CTDP1: variants seen among roughly 807,000 people sequenced by gnomAD.
The protein encoded by CTDP1 is CTD phosphatase 1, also known as RNA polymerase II subunit A C-terminal domain phosphatase.
In CTDP1, 47 loss-of-function variants were observed where a neutral mutation model predicts 91.8. That is an observed-to-expected ratio of 0.51 (90% CI 0.41 to 0.65). CTDP1 has a LOEUF of 0.65. Among genes scored for constraint, CTDP1 ranks in the 30% least tolerant of loss-of-function variants. The pLI, the probability that CTDP1 is intolerant of heterozygous loss-of-function variation, is 0.00. For missense variants in CTDP1, 1,272 were observed against 1,373.7 expected (o/e 0.93, Z 1.17); for synonymous variants, 656 against 598.5 (o/e 1.10, Z -1.40).
chr18:79,685,551 A>T (rs2085477067), intron 1 of CTDP1: 1 of 152,248 alleles, frequency 6.6e-6, no homozygotes, highest in African/African-American at 2.4e-5. Flanking sequence ...AGTGCCACAG[A>T]GAAGCAGAAA....
At chr18:79,747,685 AGCGCCTCCT>A in intron 12 of CTDP1, among the ~76,000 whole-genome samples, 1 of 152,360 alleles carries the variant, frequency 6.6e-6, no homozygotes, top group Non-Finnish European at 1.5e-5. Flanking sequence ...CGCCATGCGC[AGCGCCTCCT>A]GCAGGTGTCC....
intron 12 of CTDP1, among the ~76,000 whole-genome samples, chr18:79,739,606 C>T (rs1028074610): frequency 6.6e-6 from 1 of 152,164 alleles, no homozygotes; most frequent in African/African-American, 2.4e-5. Context: ...GGGGTTCTGC[C>T]TCTCCATTCT....
chr18:79,738,387 C>A (rs4799082), intron 12 of CTDP1, among the ~76,000 whole-genome samples: 1 of 152,136 alleles, frequency 6.6e-6, no homozygotes, highest in Non-Finnish European at 1.5e-5. Flanking sequence ...AGCCTTCTTG[C>A]ATCTGCTGCG....
chr18:79,738,096 T>G (rs1413105736), intron 12 of CTDP1, among the ~76,000 whole-genome samples: 4 of 143,164 alleles, frequency 2.8e-5, no homozygotes, highest in Non-Finnish European at 6.0e-5. Flanking sequence ...TGTCTCTGCA[T>G]TTTGGTGGAG....
At chr18:79,701,929 A>G (rs1378207346) in intron 4 of CTDP1, among the ~76,000 whole-genome samples, 1 of 152,196 alleles carries the variant, frequency 6.6e-6, no homozygotes, top group Non-Finnish European at 1.5e-5. Flanking sequence ...ACTCGAACAG[A>G]TGAGGAGTTG....
chr18:79,707,665 C>G (rs977411759), intron 5 of CTDP1, among the ~76,000 whole-genome samples: 2 of 152,238 alleles, frequency 1.3e-5, no homozygotes, highest in Non-Finnish European at 2.9e-5. Context: ...CTCAACAGAA[C>G]ATGGGCCCTC....
In CTDP1 at chr18:79,681,888, T is replaced by G. The variant is rs768023974; in HGVS notation, c.314+1627T>G. ...TGAGGTGGCTTCTTCCCCGTTTCTG[T>G]GTACTCCTGTGGGTTTGTGTACATG... On this transcript the variant is annotated intron_variant, in intron 1 of 12. Transcript: ENST00000613122. Among the ~76,000 whole-genome samples the G allele has an allele frequency of 2.9e-4, 44 of 152,208 alleles. 1 individual carries two copies. The highest frequency in any genetic ancestry group is 3.1e-4 in the Non-Finnish European group (21 of 68,022).
chr18:79,737,586 C>G (rs924419481), intron 12 of CTDP1, among the ~76,000 whole-genome samples: 1 of 151,942 alleles, frequency 6.6e-6, no homozygotes, highest in Non-Finnish European at 1.5e-5. Context: ...TCAGGTTGGT[C>G]GATGAACAGG....
intron 1 of CTDP1, among the ~76,000 whole-genome samples, chr18:79,692,936 A>G (rs972879658): frequency 6.6e-6 from 1 of 152,268 alleles, no homozygotes; most frequent in Non-Finnish European, 1.5e-5. Flanking sequence ...CTGGGGGAGC[A>G]GTGCCCAGGG....
rs537756542 is a variant in CTDP1, at chr18:79,691,001, C to T, written c.315-4224C>T. The stretch of plus-strand genomic sequence containing the variant: ...GCGCAGGTGCCCTTGGCGTCAGGAG[C>T]CGGCCTTGTCTCTGCCACCGGGACC... On this transcript the variant is annotated intron_variant, in intron 1 of 12. Transcript: ENST00000613122. Among the ~76,000 whole-genome samples, 3 of 152,328 alleles carry T rather than the reference C, an allele frequency of 2.0e-5. No homozygotes were observed. The South Asian group carries it at 6.2e-4, about 32-fold the overall frequency.
downstream of CTDP1, chr18:79,755,899 C>G (rs1017059642): frequency 6.6e-6 from 1 of 151,220 alleles, no homozygotes; most frequent in South Asian, 2.1e-4. Flanking sequence ...CGGGAGGGGC[C>G]GGACCGCATG....
At chr18:79,731,825 G>A (rs1054959054) in intron 11 of CTDP1, among the ~76,000 whole-genome samples, 6 of 152,192 alleles carry the variant, frequency 3.9e-5, no homozygotes, top group African/African-American at 1.2e-4. Context: ...AACAGAGGCC[G>A]GGTGTGGGGC....
chr18:79,724,140 G>A (rs1256403641), intron 10 of CTDP1, among the ~76,000 whole-genome samples: 3 of 152,234 alleles, frequency 2.0e-5, no homozygotes, highest in African/African-American at 7.2e-5. Context: ...GAGCACTGAC[G>A]TGGCCCTGGA....
intron 6 of CTDP1, among the ~76,000 whole-genome samples, chr18:79,710,686 ATTTTTTTTTTTTTTTT>A (rs11306504): frequency 1.4e-4 from 12 of 88,506 alleles, no homozygotes; most frequent in African/African-American, 2.3e-4. Flanking sequence ...TCGCCCGGCA[ATTTTTTTTTTTTTTTT>A]TTTTTTTTTT....
Position 79,713,104 on chromosome 18 carries a change from C to T in CTDP1, c.996C>T (p.Pro332=), listed in dbSNP as rs951237916. Reference sequence around the variant, plus strand: ...AGGGCACGGGTGATATGAATGCGCCCCCTGGGTCCCGAGAATCTCAGACGA... The same window carrying T: ...AGGGCACGGGTGATATGAATGCGCCTCCTGGGTCCCGAGAATCTCAGACGA... ...YFQGTGDMNA[P]PGSRESQTRK... is the part of the protein sequence containing the mutation. The change falls in exon 7 of 13, where the codon CCC becomes CCT. Residue 332 remains proline, a synonymous_variant. Coordinates refer to ENST00000613122, the MANE Select transcript of CTDP1 (RefSeq NM_004715.5). This position sits in a 1 kb window ranked among gnomAD's most constrained non-coding sequence, Gnocchi z 4.7. The T allele has an allele frequency of 3.7e-6, 6 of 1,613,906 alleles. No individual in the cohort carries two copies. The African/African-American group carries it at 5.3e-5, about 14-fold the overall frequency.
chr18:79,686,727 G>T (rs1270287999), intron 1 of CTDP1, among the ~76,000 whole-genome samples: 2 of 152,284 alleles, frequency 1.3e-5, no homozygotes, highest in African/African-American at 2.4e-5. Context: ...AGACTGGCGG[G>T]AATGATGCAG....
chr18:79,714,956 A>T lies in CTDP1; in HGVS notation c.1496A>T (p.Gln499Leu), dbSNP rs1490569166. ...AAPEGAGALA[Q>L]GSSLEPGRPA... Reference sequence around the variant, plus strand: ...CCAGAGGGAGCCGGGGCGCTGGCACAGGGCAGTTCCCTGGAGCCGGGGCGG... The same window carrying T: ...CCAGAGGGAGCCGGGGCGCTGGCACTGGGCAGTTCCCTGGAGCCGGGGCGG... The change falls in exon 8 of 13, where the codon CAG becomes CTG. Residue 499 changes from glutamine to leucine, a missense_variant. Transcript: ENST00000613122. 5 of 1,566,124 alleles carry T rather than the reference A, an allele frequency of 3.2e-6. No homozygotes were observed. The African/African-American group carries it at 5.4e-5, about 17-fold the overall frequency.
At chr18:79,677,212 TTCTC>T (rs1383608459), upstream of CTDP1, 1 of 152,278 alleles carries the variant, frequency 6.6e-6, no homozygotes, top group East Asian at 1.9e-4. Flanking sequence ...CCCCCCTACT[TTCTC>T]TCTCGCAGGC....
At chr18:79,732,234 AACTC>A (rs750372725) in intron 11 of CTDP1, among the ~76,000 whole-genome samples, 2 of 150,474 alleles carry the variant, frequency 1.3e-5, no homozygotes, top group Non-Finnish European at 2.9e-5. Flanking sequence ...GAGACTTGAG[AACTC>A]ACTAACATGA....
Sources: gnomAD v4.1 joint callset for allele counts (sites outside exome capture counted in the v4.1 genomes callset) on GRCh38, gnomAD v4.1.1 for gene constraint, Gnocchi (gnomAD v3.1) non-coding constraint, MANE v1.5 for transcripts, NCBI Gene and HGNC (gene_info 2026-07-23, HGNC 2026-07-21) for gene names.